The following NUP133 variants were observed in gnomAD, a reference collection of about 807,000 sequenced individuals.
NUP133 encodes the protein nuclear pore complex protein Nup133.
NUP133 carries 66 observed loss-of-function variants against 146.2 expected under a neutral mutation model. The observed-to-expected ratio is 0.45, with a 90% CI of 0.37 to 0.55. The LOEUF is 0.55. NUP133 is among the 20% of genes least tolerant of loss of function. The pLI is 0.00. For missense variants in NUP133, 1,277 were observed against 1,374.8 expected (o/e 0.93, Z 1.12); for synonymous variants, 521 against 498.8 (o/e 1.04, Z -0.59).
At chr1:229,477,570 A>C (rs749259422) in intron 13 of NUP133, 27 bp downstream of exon 13, 1 of 1,572,922 alleles carries the variant, frequency 6.4e-7, no homozygotes, top group South Asian at 1.2e-5. Flanking sequence ...TTCAAAACAC[A>C]CCGTTCCATA....
chr1:229,498,757 A>C (rs1483076180), intron 5 of NUP133, among the ~76,000 whole-genome samples: 1 of 143,028 alleles, frequency 7.0e-6, no homozygotes, highest in African/African-American at 2.6e-5. Context: ...CTGTGTCTCG[A>C]AAAAAGAAAA....
chr1:229,489,361 C>G (rs1571932992), intron 9 of NUP133, among the ~76,000 whole-genome samples: 2 of 152,136 alleles, frequency 1.3e-5, no homozygotes, highest in African/African-American at 4.8e-5. Context: ...TAATCAATAC[C>G]TTCTTTCTAC....
rs968559344 is a variant in NUP133 at position 229,464,750 on chromosome 1, T to A, written c.2425A>T (p.Ile809Phe). The change falls in exon 18 of 26, where the codon ATC becomes TTC. Residue 809 changes from isoleucine to phenylalanine, a missense_variant. Ile to Phe is a conservative substitution (Grantham distance 21). Around this residue, in one of 3 missense-constraint regions of NUP133, gnomAD observed 952 missense variants for 1,047.0 expected, o/e 0.91. Coordinates refer to ENST00000261396, the MANE Select transcript of NUP133 (RefSeq NM_018230.3). Reference protein sequence around the residue: ...NIVTEQLVALIDCFLDGYVSQ... With the variant: ...NIVTEQLVALFDCFLDGYVSQ... ...ACATAACCATCCAGGAAGCAATCGATCAGGGCTACCAGCTGCTCGGTCACG... is the reference window on the plus strand; with the variant it reads ...ACATAACCATCCAGGAAGCAATCGAACAGGGCTACCAGCTGCTCGGTCACG... 3.1e-6 allele frequency: 5 copies of A among 1,614,202 alleles called. No homozygotes were observed. Among genetic ancestry groups the A allele is most frequent in the Non-Finnish European group, 4.2e-6 (5 of 1,180,034 alleles).
At chr1:229,508,008 C>A in intron 1 of NUP133, 60 bp downstream of exon 1, 7 of 1,401,112 alleles carry the variant, frequency 5.0e-6, no homozygotes, top group South Asian at 1.7e-5. Context: ...AACAACCTAT[C>A]CGGCCCACTG....
chr1:229,505,283 T>C (rs1485011581), intron 2 of NUP133, among the ~76,000 whole-genome samples: 4 of 152,166 alleles, frequency 2.6e-5, no homozygotes, highest in Admixed American at 6.5e-5. Context: ...TGCTGGTATA[T>C]TGTTATAATT....
chr1:229,488,436 G>A (rs1372184219), intron 9 of NUP133, among the ~76,000 whole-genome samples: 1 of 152,096 alleles, frequency 6.6e-6, no homozygotes, highest in Non-Finnish European at 1.5e-5. Context: ...AAAATGATAA[G>A]CTGTTATTAA....
At chr1:229,450,423 CT>C in intron 23 of NUP133, 101 bp downstream of exon 23, 1 of 578,834 alleles carries the variant, frequency 1.7e-6, no homozygotes, top group Non-Finnish European at 3.1e-6. Flanking sequence ...CAGATACAGT[CT>C]TTTTTGCTTA....
At chr1:229,453,789 T>A (rs951725932) in intron 21 of NUP133, among the ~76,000 whole-genome samples, 1 of 152,242 alleles carries the variant, frequency 6.6e-6, no homozygotes, top group African/African-American at 2.4e-5. Flanking sequence ...CTGTGAATGG[T>A]GCTATGTGAG....
At position 229,499,770 on chromosome 1, in the gene NUP133, G is replaced by C; in HGVS notation, c.562C>G (p.Pro188Ala). The change falls in exon 5 of 26, where the codon CCA becomes GCA. Residue 188 changes from proline to alanine, a missense_variant. By Grantham distance (27) the Pro-to-Ala change is conservative. Coordinates refer to ENST00000261396, the MANE Select transcript of NUP133 (RefSeq NM_018230.3). ...ATREGSIRYW[P>A]SLAGEDTYTE... ...TAGGTATCTTCACCAGCAAGGCTTG[G>C]CCAATAGCGGATAGATCCTTCTCTG... The C allele has an allele frequency of 6.2e-7, 1 of 1,614,020 alleles. No individual in the cohort carries two copies.
At chr1:229,479,880 GAACA>G (rs762780721) in intron 12 of NUP133, among the ~76,000 whole-genome samples, 11 of 152,152 alleles carry the variant, frequency 7.2e-5, no homozygotes, top group Non-Finnish European at 1.5e-4. Flanking sequence ...CCATCAACAG[GAACA>G]AACAGATAAG....
chr1:229,491,981 T>C (rs564725859), intron 8 of NUP133, among the ~76,000 whole-genome samples: 4 of 152,302 alleles, frequency 2.6e-5, no homozygotes, highest in Admixed American at 2.6e-4. Flanking sequence ...GCTATATATG[T>C]AAAAACAAAC....
intron 2 of NUP133, among the ~76,000 whole-genome samples, chr1:229,502,558 C>CAAAAAAAAAAAAAA (rs58520087): frequency 9.3e-5 from 4 of 43,090 alleles, no homozygotes; most frequent in African/African-American, 1.9e-4. Context: ...GACTCCATCT[C>CAAAAAAAAAAAAAA]AAAAAAAAAA....
At chr1:229,507,222 C>CA (rs1429408474) in intron 1 of NUP133, among the ~76,000 whole-genome samples, 7 of 151,966 alleles carry the variant, frequency 4.6e-5, no homozygotes, top group East Asian at 3.9e-4. Flanking sequence ...CAAAATATGC[C>CA]AAAAAAAGTC....
chr1:229,457,658 ATTG>A (rs973807445), intron 21 of NUP133, among the ~76,000 whole-genome samples: 1 of 151,604 alleles, frequency 6.6e-6, no homozygotes, highest in Non-Finnish European at 1.5e-5. Flanking sequence ...TGTAATTTTA[ATTG>A]TTGTTGAATA....
In NUP133 at chr1:229,479,819, A is replaced by T. The variant is rs540769764; in HGVS notation, c.1593-2059T>A. Among the ~76,000 whole-genome samples, 10 of 152,320 alleles carry T rather than the reference A, an allele frequency of 6.6e-5. No individual in the cohort carries two copies. The South Asian group carries it at 2.1e-3, about 32-fold the overall frequency. ...AAGATCACCGAGGGAGTAGACAGAGAGGGAATGTGGTCGACAACTGAGAAT... is the reference window on the plus strand; with the variant it reads ...AAGATCACCGAGGGAGTAGACAGAGTGGGAATGTGGTCGACAACTGAGAAT... On this transcript the variant is annotated intron_variant, in intron 12 of 25. Coordinates refer to ENST00000261396, the MANE Select transcript of NUP133 (RefSeq NM_018230.3).
chr1:229,441,717 A>C lies in NUP133; in HGVS notation c.*187T>G, dbSNP rs1020060931. ...TGACACATTTCAGGTGGAAAAAACA[A>C]GTCACATAACTGAAAACCAAAATCA... is the stretch of plus-strand genomic sequence containing the variant. On this transcript the variant is annotated 3_prime_UTR_variant, in exon 26 of 26. Transcript: ENST00000261396. The C allele has an allele frequency of 5.9e-6, 3 of 507,166 alleles. No homozygotes were observed. The highest frequency in any genetic ancestry group is 5.9e-5 in the African/African-American group (3 of 50,998). 31.4% of individuals were successfully genotyped at this position (507,166 alleles called of 1,614,324 possible).
intron 14 of NUP133, among the ~76,000 whole-genome samples, chr1:229,471,597 T>G (rs1272157570): frequency 1.3e-5 from 2 of 152,210 alleles, no homozygotes; most frequent in East Asian, 3.9e-4. Flanking sequence ...CCATCTGTCC[T>G]GTGTTATGAT....
Position 229,500,751 on chromosome 1 carries a change from C to T in NUP133, c.513+5G>A. 1 of 1,581,020 alleles carries T rather than the reference C, an allele frequency of 6.3e-7. No individual in the cohort carries two copies. The highest frequency in any genetic ancestry group is 1.1e-5 in the South Asian group (1 of 89,578). ...TTTATTTAAATAAGCTTTTAAGTCA[C>T]CTACCTGAGTAGAATGTGCTTCACC... is the stretch of plus-strand genomic sequence containing the variant. On this transcript the variant is annotated splice_donor_5th_base_variant and intron_variant, in intron 4 of 25. Coordinates refer to ENST00000261396, the MANE Select transcript of NUP133 (RefSeq NM_018230.3).
In NUP133 at chr1:229,440,326, TACTA is replaced by T. The variant is rs1660152772; in HGVS notation, c.*1574_*1577del. On this transcript the variant is annotated 3_prime_UTR_variant, in exon 26 of 26. Coordinates refer to ENST00000261396, the MANE Select transcript of NUP133 (RefSeq NM_018230.3). ...AACTCAACCATTTGGGTGTAATAGC[TACTA>T]ACTTAGAGAGAAACAGGATTAAAAG... 1 of 152,224 alleles carries T rather than the reference TACTA, an allele frequency of 6.6e-6. No homozygotes were observed. Among genetic ancestry groups the T allele is most frequent in the Admixed American group, 6.5e-5 (1 of 15,278 alleles). The allele number at this position is 152,224 out of a possible 1,614,324, so 9.4% of individuals were successfully genotyped here. A position where few individuals can be genotyped will look rare whatever the true frequency, so the allele number is the denominator to read the frequency against.
Sources: allele counts gnomAD v4.1 joint callset (sites outside exome capture counted in the v4.1 genomes callset), GRCh38; gene constraint gnomAD v4.1.1; regional missense constraint gnomAD v4.1.1; transcripts MANE v1.5; gene names NCBI Gene and HGNC (gene_info 2026-07-23, HGNC 2026-07-21).